Variants in ZNF385D observed in about 807,000 individuals in gnomAD.
The protein encoded by ZNF385D is zinc finger protein 385D.
In ZNF385D, 15 loss-of-function variants were observed where a neutral mutation model predicts 35.8. That is an observed-to-expected ratio of 0.42 (90% CI 0.28 to 0.64). The LOEUF (loss-of-function observed/expected upper bound fraction) is 0.64. Ranked by LOEUF, ZNF385D falls within the 30% of genes least tolerant of loss-of-function variation. ZNF385D has a pLI of 0.23. For missense variants in ZNF385D, 474 were observed against 494.6 expected (o/e 0.96, Z 0.39); for synonymous variants, 212 against 186.8 (o/e 1.13, Z -1.10).
chr3:22,133,224 G>T (rs9853302), intron 3 of ZNF385D, among the ~76,000 whole-genome samples: 1 of 151,882 alleles, frequency 6.6e-6, no homozygotes, highest in African/African-American at 2.4e-5. Flanking sequence ...GAAATACTTC[G>T]TATCTTCAAC....
intron 3 of ZNF385D, among the ~76,000 whole-genome samples, chr3:21,896,701 G>A (rs952551500): frequency 2.0e-5 from 3 of 152,162 alleles, no homozygotes; most frequent in African/African-American, 4.8e-5. Context: ...TATGAGAGAC[G>A]CAGTAGTTCC....
At chr3:21,566,518 T>C (rs1408840802) in intron 2 of ZNF385D, among the ~76,000 whole-genome samples, 2 of 151,932 alleles carry the variant, frequency 1.3e-5, no homozygotes, top group Non-Finnish European at 2.9e-5. Flanking sequence ...TAATCCCAGG[T>C]ATTCGGGAGG....
intron 5 of ZNF385D, among the ~76,000 whole-genome samples, chr3:21,426,341 T>C (rs1701025674): frequency 6.6e-6 from 1 of 152,150 alleles, no homozygotes; most frequent in Non-Finnish European, 1.5e-5. Flanking sequence ...AACCCAAGCA[T>C]ATACACGATG....
intron 1 of ZNF385D, among the ~76,000 whole-genome samples, chr3:21,698,318 C>T (rs1397396211): frequency 1.3e-5 from 2 of 149,682 alleles, no homozygotes; most frequent in Non-Finnish European, 3.0e-5. Flanking sequence ...GGGCTGGAGG[C>T]TATTATCCAA....
intron 3 of ZNF385D, among the ~76,000 whole-genome samples, chr3:21,833,132 T>G (rs924451267): frequency 6.6e-6 from 1 of 152,094 alleles, no homozygotes; most frequent in East Asian, 1.9e-4. Flanking sequence ...CTGTGTTGTG[T>G]TGGGTACTAG....
intron 3 of ZNF385D, among the ~76,000 whole-genome samples, chr3:21,826,837 A>C (rs938874551): frequency 2.6e-5 from 4 of 151,972 alleles, no homozygotes; most frequent in African/African-American, 7.2e-5. Flanking sequence ...AAAAAAAAAA[A>C]AACTCTCCTG....
chr3:21,558,097 TC>T (rs2062804751), intron 3 of ZNF385D, among the ~76,000 whole-genome samples: 1 of 149,472 alleles, frequency 6.7e-6, no homozygotes, highest in Non-Finnish European at 1.5e-5. Flanking sequence ...AAAAATCAGC[TC>T]CTGGATTCAT....
intron 3 of ZNF385D, among the ~76,000 whole-genome samples, chr3:21,757,874 C>A (rs77702874): frequency 6.6e-6 from 1 of 152,128 alleles, no homozygotes; most frequent in Non-Finnish European, 1.5e-5. Flanking sequence ...ATAACCAATG[C>A]CTCAGATGGT....
chr3:21,578,161 AT>A (rs1300002815), intron 2 of ZNF385D, among the ~76,000 whole-genome samples: 2 of 151,952 alleles, frequency 1.3e-5, no homozygotes, highest in Non-Finnish European at 1.5e-5. Flanking sequence ...TCATTTGCAC[AT>A]TTTTTTAATT....
At chr3:21,677,223 T>C (rs1195125717) in intron 1 of ZNF385D, among the ~76,000 whole-genome samples, 1 of 152,018 alleles carries the variant, frequency 6.6e-6, no homozygotes, top group African/African-American at 2.4e-5. Flanking sequence ...CTGAGGCAGC[T>C]TTTGGGAGGG....
chr3:21,443,979 G>A (rs1357562484), intron 4 of ZNF385D, among the ~76,000 whole-genome samples: 1 of 151,888 alleles, frequency 6.6e-6, no homozygotes, highest in Non-Finnish European at 1.5e-5. Context: ...CTCACTATGT[G>A]CTACATGTAT....
intron 3 of ZNF385D, among the ~76,000 whole-genome samples, chr3:21,762,983 TC>T (rs1353800692): frequency 6.6e-6 from 1 of 152,106 alleles, no homozygotes; most frequent in African/African-American, 2.4e-5. Context: ...CATGCTAATC[TC>T]CATCAGTGTC....
chr3:22,185,389 G>A (rs73048978), intron 2 of ZNF385D, among the ~76,000 whole-genome samples: 6,766 of 152,150 alleles, frequency 0.044, 215 homozygotes, highest in Non-Finnish European at 0.068. Flanking sequence ...AATTTTATGC[G>A]CAAAAACCAT....
chr3:21,462,210 AT>A (rs913214658), intron 4 of ZNF385D, among the ~76,000 whole-genome samples: 37 of 151,550 alleles, frequency 2.4e-4, no homozygotes, highest in Non-Finnish European at 3.7e-4. Flanking sequence ...TCTCTTTTCT[AT>A]TTTTTTTCCC....
chr3:21,682,956 G>C (rs1054808743), intron 1 of ZNF385D, among the ~76,000 whole-genome samples: 1 of 149,946 alleles, frequency 6.7e-6, no homozygotes, highest in Non-Finnish European at 1.5e-5. Context: ...CCCTGGTCCA[G>C]AGAGCACTGG....
chr3:21,569,920 GC>G (rs2063277988), intron 2 of ZNF385D, among the ~76,000 whole-genome samples: 1 of 122,126 alleles, frequency 8.2e-6, no homozygotes, highest in African/African-American at 3.0e-5. Flanking sequence ...GGGTGGGGGG[GC>G]AGGGAGGGAT....
chr3:21,790,346 G>A (rs2071875862), intron 3 of ZNF385D, among the ~76,000 whole-genome samples: 2 of 152,108 alleles, frequency 1.3e-5, no homozygotes, highest in South Asian at 2.1e-4. Context: ...AGAATGGAAA[G>A]ATTGATCAAA....
intron 3 of ZNF385D, among the ~76,000 whole-genome samples, chr3:21,810,971 CGTGTGTGTGT>C (rs139624741): frequency 6.9e-6 from 1 of 144,380 alleles, no homozygotes; most frequent in South Asian, 2.2e-4. Flanking sequence ...TGTGTGTATA[CGTGTGTGTGT>C]GTGTGTGTGT....
At chr3:22,088,172 C>T (rs1311673359) in intron 3 of ZNF385D, among the ~76,000 whole-genome samples, 3 of 152,136 alleles carry the variant, frequency 2.0e-5, no homozygotes, top group Admixed American at 2.0e-4. Flanking sequence ...GGAGAGAATA[C>T]CCTTCTGCCC....
Sources: allele counts gnomAD v4.1 joint callset (sites outside exome capture counted in the v4.1 genomes callset), GRCh38; gene constraint gnomAD v4.1.1; transcripts MANE v1.5; gene names NCBI Gene and HGNC (gene_info 2026-07-23, HGNC 2026-07-21).